PRR5: variants seen among roughly 807,000 people sequenced by gnomAD.
PRR5 encodes the protein proline rich 5.
Under a neutral mutation model 30.6 loss-of-function variants are expected in PRR5, and 25 were observed. That is an observed-to-expected ratio of 0.82 (90% CI 0.60 to 1.14). The LOEUF is 1.14. PRR5 is among the 50% of genes most tolerant of loss of function. The probability of loss-of-function intolerance (pLI) is 0.00; values close to 1 mark genes in which losing one functional copy is unlikely to be tolerated. For synonymous variants in PRR5, 286 were observed against 247.1 expected, an observed-to-expected ratio of 1.16 and a Z score of -1.48; for missense variants, 600 against 547.1, an observed-to-expected ratio of 1.10 and a Z score of -0.96.
chr22:44,733,002 ATAC>A lies in PRR5; in HGVS notation c.555+615_555+617del, dbSNP rs543871088. On this transcript the variant is annotated intron_variant, in intron 6 of 7. Coordinates refer to ENST00000336985, the MANE Select transcript of PRR5 (RefSeq NM_181333.4). ...TACACACATACATGTGCGCGCACAC[ATAC>A]TACACACGTGCACATGCACATACAC... Among the ~76,000 whole-genome samples, 279 of 126,876 alleles carry A rather than the reference ATAC, an allele frequency of 2.2e-3. 1 individual carries two copies. Among genetic ancestry groups the A allele is most frequent in the South Asian group, 8.9e-3 (32 of 3,588 alleles). 83.2% of individuals were successfully genotyped at this position (126,876 alleles called of 152,430 possible).
chr22:44,686,325 TTTGTTG>T (rs1012360833), intron 1 of PRR5, among the ~76,000 whole-genome samples: 36 of 151,914 alleles, frequency 2.4e-4, no homozygotes, highest in African/African-American at 7.2e-4. Context: ...TTCTTGTGTT[TTTGTTG>T]TTGTTGTTGT....
intron 2 of PRR5, among the ~76,000 whole-genome samples, chr22:44,715,169 G>C (rs916402): frequency 6.6e-6 from 1 of 152,132 alleles, no homozygotes; most frequent in Non-Finnish European, 1.5e-5. Context: ...ACACACACCC[G>C]ACAAGCTGCT....
upstream of PRR5, among the ~76,000 whole-genome samples, chr22:44,701,173 C>T (rs1054522707): frequency 6.6e-6 from 1 of 152,218 alleles, no homozygotes; most frequent in Non-Finnish European, 1.5e-5. Flanking sequence ...TGAGCCATCA[C>T]CTCTCTCTTA....
chr22:44,710,623 C>T (rs986749850), intron 1 of PRR5, among the ~76,000 whole-genome samples: 3 of 150,872 alleles, frequency 2.0e-5, no homozygotes, highest in Non-Finnish European at 3.0e-5. Flanking sequence ...CTGAGTGGCC[C>T]GCAGCGAGGC....
chr22:44,677,564 G>A (rs1923875620), intron 1 of PRR5, among the ~76,000 whole-genome samples: 1 of 152,234 alleles, frequency 6.6e-6, no homozygotes. Flanking sequence ...CGAAGGGCAG[G>A]GGGTTCAGAT....
intron 1 of PRR5, among the ~76,000 whole-genome samples, chr22:44,689,840 G>A (rs1925084797): frequency 6.6e-6 from 1 of 152,172 alleles, no homozygotes; most frequent in Admixed American, 6.5e-5. Flanking sequence ...GTAGAGATGG[G>A]GTTTCACCAT....
At chr22:44,734,811 C>A (rs6006862) in intron 6 of PRR5, 25,256 of 638,434 alleles carry the variant, frequency 0.04, 773 homozygotes, top group Admixed American at 0.091. Flanking sequence ...CTCCCAGATC[C>A]CGACGCTGCT....
At chr22:44,708,592 A>G (rs754386556) in intron 1 of PRR5, among the ~76,000 whole-genome samples, 1 of 152,134 alleles carries the variant, frequency 6.6e-6, no homozygotes, top group Non-Finnish European at 1.5e-5. Context: ...ACCGGGCCCT[A>G]TGGATGAGCT....
chr22:44,689,346 C>T (rs1601963264), intron 1 of PRR5, among the ~76,000 whole-genome samples: 1 of 152,178 alleles, frequency 6.6e-6, no homozygotes, highest in East Asian at 1.9e-4. Flanking sequence ...CCCATCTGTA[C>T]ACATCTTTCA....
At chr22:44,707,055 G>A (rs1044707925) in intron 1 of PRR5, among the ~76,000 whole-genome samples, 7 of 152,088 alleles carry the variant, frequency 4.6e-5, no homozygotes, top group Admixed American at 1.3e-4. Context: ...ATAAAGACAC[G>A]AAGTCTGACC....
chr22:44,677,664 A>T (rs1175187489), intron 1 of PRR5, among the ~76,000 whole-genome samples: 1 of 152,174 alleles, frequency 6.6e-6, no homozygotes, highest in Non-Finnish European at 1.5e-5. Flanking sequence ...GGGACATGTC[A>T]GATGGACCTT....
chr22:44,669,266 C>G (rs980575021), intron 1 of PRR5, among the ~76,000 whole-genome samples: 34 of 152,194 alleles, frequency 2.2e-4, no homozygotes, highest in African/African-American at 8.2e-4. Context: ...CCTAATAGGG[C>G]AAACAAAGAT....
intron 1 of PRR5, among the ~76,000 whole-genome samples, chr22:44,690,102 C>T (rs1033090460): frequency 5.9e-5 from 9 of 151,824 alleles, no homozygotes; most frequent in Non-Finnish European, 1.3e-4. Flanking sequence ...CACTGGGGCC[C>T]AAGGAGGATG....
intron 2 of PRR5, among the ~76,000 whole-genome samples, chr22:44,722,756 T>G (rs1360531515): frequency 6.6e-6 from 1 of 152,164 alleles, no homozygotes; most frequent in African/African-American, 2.4e-5. Flanking sequence ...ACAGGAGACT[T>G]TGTCACCCTC....
intron 1 of PRR5, among the ~76,000 whole-genome samples, chr22:44,683,129 G>C (rs1039263080): frequency 1.2e-4 from 18 of 152,190 alleles, no homozygotes; most frequent in African/African-American, 4.1e-4. Flanking sequence ...TTTCAAGGAG[G>C]CCCCTGGGTC....
At chr22:44,700,118 A>G (rs1286086173), upstream of PRR5, among the ~76,000 whole-genome samples, 1 of 151,886 alleles carries the variant, frequency 6.6e-6, no homozygotes, top group African/African-American at 2.4e-5. Context: ...GAAGTTTGAG[A>G]CCAGCCTGGG....
chr22:44,726,530 C>G lies in PRR5; in HGVS notation c.265-47C>G, dbSNP rs771848139. On this transcript the variant is annotated intron_variant, in intron 3 of 7. Coordinates refer to ENST00000336985, the MANE Select transcript of PRR5 (RefSeq NM_181333.4). ...GGGGGCCCTGCTGGCCAGGACACCC[C>G]CGGGCATCCACAAGGGCGGTGACAG... The G allele has an allele frequency of 3.1e-6, 5 of 1,613,076 alleles. No individual in the cohort carries two copies. The African/African-American group carries it at 6.7e-5, about 22-fold the overall frequency.
At chr22:44,709,519 C>T (rs190031109) in intron 1 of PRR5, among the ~76,000 whole-genome samples, 78 of 152,194 alleles carry the variant, frequency 5.1e-4, no homozygotes, top group Admixed American at 7.8e-4. Context: ...CCAGAAGGAA[C>T]GGCCCCACCA....
upstream of PRR5, chr22:44,702,133 CCG>C: frequency 1.5e-5 from 4 of 267,346 alleles, no homozygotes; most frequent in Non-Finnish European, 2.4e-5. Context: ...CGCGATGCCC[CCG>C]CCCCCTTCCC....
Sources: allele counts gnomAD v4.1 joint callset (sites outside exome capture counted in the v4.1 genomes callset), GRCh38; gene constraint gnomAD v4.1.1; transcripts MANE v1.5; gene names NCBI Gene and HGNC (gene_info 2026-07-23, HGNC 2026-07-21).